Variants in PCDH15 observed in about 807,000 individuals in gnomAD.
PCDH15 encodes the protein protocadherin related 15.
Under a neutral mutation model 178.5 loss-of-function variants are expected in PCDH15, and 129 were observed. The ratio of observed to expected loss-of-function variants is 0.72; its 90% CI spans 0.63 to 0.84. The LOEUF is 0.84. Among genes scored for constraint, PCDH15 ranks in the 40% least tolerant of loss-of-function variants. The pLI is 0.00. For missense variants in PCDH15, 2,230 were observed against 2,099.9 expected (o/e 1.06, Z -1.21); for synonymous variants, 800 against 732.0 (o/e 1.09, Z -1.50).
chr10:54,788,706 T>A (rs1951115538), intron 1 of PCDH15, among the ~76,000 whole-genome samples: 1 of 151,654 alleles, frequency 6.6e-6, no homozygotes, highest in African/African-American at 2.4e-5. Context: ...AGAGGAGAGA[T>A]TCTAAGATGG....
chr10:54,515,517 G>A (rs568439617), intron 3 of PCDH15, among the ~76,000 whole-genome samples: 1 of 152,312 alleles, frequency 6.6e-6, no homozygotes, highest in Admixed American at 6.5e-5. Context: ...CACAGCTCAA[G>A]GAGGCCTGCG....
chr10:54,753,894 G>GTTTTTTTTTT (rs755751275), intron 1 of PCDH15, among the ~76,000 whole-genome samples: 1 of 85,510 alleles, frequency 1.2e-5, no homozygotes, highest in Non-Finnish European at 2.4e-5. Context: ...GTTTGTTTGT[G>GTTTTTTTTTT]TTTTTTTTTT....
At chr10:53,948,313 A>G (rs1671933716) in intron 23 of PCDH15, among the ~76,000 whole-genome samples, 3 of 152,126 alleles carry the variant, frequency 2.0e-5, no homozygotes, top group Admixed American at 2.0e-4. Flanking sequence ...TCGCTTGAAA[A>G]TTTACAATTT....
At position 53,805,462 on chromosome 10, in the gene PCDH15, G is replaced by A. The variant is rs1180267963; in HGVS notation, c.*1117C>T. ...TTCAATGGTAAAAAATCAAGACCAT[G>A]TTCTTTGATTTTAAAAAATGCCCAG... On this transcript the variant is annotated 3_prime_UTR_variant, in exon 38 of 38. Coordinates refer to ENST00000644397, the MANE Select transcript of PCDH15 (RefSeq NM_001384140.1). 1 of 151,954 alleles carries A rather than the reference G, an allele frequency of 6.6e-6. No homozygotes were observed. Among genetic ancestry groups the A allele is most frequent in the Non-Finnish European group, 1.5e-5 (1 of 67,952 alleles). The allele number at this position is 151,954 out of a possible 1,614,324, so 9.4% of individuals were successfully genotyped here. A position where few individuals can be genotyped will look rare whatever the true frequency, so the allele number is the denominator to read the frequency against.
At position 54,266,757 on chromosome 10, in the gene PCDH15, T is replaced by G. The variant is rs1030213732; in HGVS notation, c.877-29826A>C. Among the ~76,000 whole-genome samples the G allele has an allele frequency of 4.0e-5, 6 of 151,694 alleles. No homozygotes were observed. In the East Asian group the frequency reaches 1.2e-3, roughly 29 times the overall value. On this transcript the variant is annotated intron_variant, in intron 8 of 37. Coordinates refer to ENST00000644397, the MANE Select transcript of PCDH15 (RefSeq NM_001384140.1). ...CTCTCAAGATTGAACCAGGAAGAAC[T>G]TGAAACACTGAACACACCAACAATG...
intron 32 of PCDH15, chr10:53,822,558 G>A (rs1341435480): frequency 6.2e-7 from 1 of 1,613,730 alleles, no homozygotes. Context: ...GGTTTCAATA[G>A]GTAACATACA....
intron 6 of PCDH15, among the ~76,000 whole-genome samples, chr10:54,344,125 G>T (rs184401731): frequency 9.0e-4 from 137 of 152,218 alleles, no homozygotes; most frequent in Middle Eastern, 3.4e-3. Context: ...TCTAAAAGTG[G>T]ATTCTCTCCC....
At chr10:54,440,764 A>T (rs2075749145) in intron 3 of PCDH15, among the ~76,000 whole-genome samples, 1 of 151,920 alleles carries the variant, frequency 6.6e-6, no homozygotes, top group African/African-American at 2.4e-5. Flanking sequence ...CACTTTGTAA[A>T]ATTAAAGGCC....
intron 2 of PCDH15, among the ~76,000 whole-genome samples, chr10:55,120,866 GT>G (rs1296490637): frequency 6.6e-6 from 1 of 152,166 alleles, no homozygotes; most frequent in Non-Finnish European, 1.5e-5. Context: ...GGTGCATAGA[GT>G]ACAAAAGCTG....
chr10:53,966,116 C>T (rs2088986983), intron 21 of PCDH15, among the ~76,000 whole-genome samples: 1 of 150,916 alleles, frequency 6.6e-6, no homozygotes, highest in South Asian at 2.1e-4. Context: ...TGTATGTATA[C>T]AAATATGAAC....
intron 3 of PCDH15, among the ~76,000 whole-genome samples, chr10:54,509,197 C>T (rs1444575452): frequency 6.6e-6 from 1 of 152,002 alleles, no homozygotes; most frequent in Admixed American, 6.6e-5. Flanking sequence ...CCACCGAAAC[C>T]TCATCTTGAA....
chr10:53,972,315 G>T (rs1244456049), intron 21 of PCDH15, among the ~76,000 whole-genome samples: 1 of 142,002 alleles, frequency 7.0e-6, no homozygotes, highest in Non-Finnish European at 1.6e-5. Flanking sequence ...TTAGATGTTA[G>T]ACCTAAAACC....
At chr10:54,568,862 T>G (rs2089406414) in intron 2 of PCDH15, among the ~76,000 whole-genome samples, 1 of 152,074 alleles carries the variant, frequency 6.6e-6, no homozygotes, top group African/African-American at 2.4e-5. Context: ...GTAAACTCAA[T>G]CATCAATAAA....
At chr10:55,427,826 T>C (rs1838793016) in intron 2 of PCDH15, among the ~76,000 whole-genome samples, 1 of 152,108 alleles carries the variant, frequency 6.6e-6, no homozygotes, top group Admixed American at 6.5e-5. Context: ...TAAATATCCA[T>C]TTCACAGTTT....
intron 9 of PCDH15, among the ~76,000 whole-genome samples, chr10:54,234,198 G>T (rs2054386149): frequency 6.7e-6 from 1 of 150,036 alleles, no homozygotes; most frequent in Admixed American, 6.7e-5. Flanking sequence ...TTTTGTTTTT[G>T]TGTTTCCATT....
rs139986468 is a variant in PCDH15, at chr10:55,398,324, T to C, written c.-156+229301A>G. ...GAAAGACTTAAAGTATTCAATTTCATCATTTCTCTAGAGAAAGCCCCTACA... is the reference window on the plus strand; with the variant it reads ...GAAAGACTTAAAGTATTCAATTTCACCATTTCTCTAGAGAAAGCCCCTACA... On this transcript the variant is annotated intron_variant, in intron 2 of 5. Transcript: ENST00000613346. 4.7e-3 allele frequency among the ~76,000 whole-genome samples: 710 copies of C among 152,266 alleles called. 6 individuals are homozygous for C. Among genetic ancestry groups the C allele is most frequent in the African/African-American group, 0.016 (679 of 41,554 alleles).
chr10:53,941,313 GC>G (rs776863754), intron 23 of PCDH15, among the ~76,000 whole-genome samples: 1 of 152,030 alleles, frequency 6.6e-6, no homozygotes, highest in African/African-American at 2.4e-5. Flanking sequence ...AATCCTCTGT[GC>G]CCTGTATATT....
At chr10:54,512,775 C>A (rs1241949369) in intron 3 of PCDH15, among the ~76,000 whole-genome samples, 4 of 151,966 alleles carry the variant, frequency 2.6e-5, no homozygotes, top group Non-Finnish European at 5.9e-5. Flanking sequence ...CCATTATTTT[C>A]TTTAATTCAA....
chr10:54,241,329 T>C (rs2055268576), intron 8 of PCDH15, among the ~76,000 whole-genome samples: 1 of 152,200 alleles, frequency 6.6e-6, no homozygotes, highest in Admixed American at 6.5e-5. Context: ...TTGAAGAAAT[T>C]AGAAGTCCAC....
Sources: allele counts gnomAD v4.1 joint callset (sites outside exome capture counted in the v4.1 genomes callset), GRCh38; gene constraint gnomAD v4.1.1; transcripts MANE v1.5; gene names NCBI Gene and HGNC (gene_info 2026-07-23, HGNC 2026-07-21).